TRIP12: variants seen among roughly 807,000 people sequenced by gnomAD.
TRIP12 encodes thyroid hormone receptor interactor 12.
TRIP12 carries 25 observed loss-of-function variants against 244.2 expected under a neutral mutation model. The ratio of observed to expected loss-of-function variants is 0.10; its 90% CI spans 0.07 to 0.14. The LOEUF (loss-of-function observed/expected upper bound fraction) is 0.14, where lower values mean the gene tolerates loss of function less well. Ranked by LOEUF, TRIP12 falls within the 10% of genes least tolerant of loss-of-function variation. The pLI, the probability that TRIP12 is intolerant of heterozygous loss-of-function variation, is 1.00. For synonymous variants in TRIP12, 905 were observed against 873.1 expected (o/e 1.04, Z -0.64); for missense variants, 1,677 against 2,486.4 (o/e 0.67, Z 6.92).
chr2:229,922,112 C>G (rs965620349), upstream of TRIP12: 5 of 171,772 alleles, frequency 2.9e-5, no homozygotes, highest in East Asian at 8.5e-4. Flanking sequence ...CGGGCTCGTC[C>G]GCGGGACCGG....
chr2:229,850,230 A>C (rs1194887592), intron 4 of TRIP12, among the ~76,000 whole-genome samples: 1 of 152,258 alleles, frequency 6.6e-6, no homozygotes, highest in Non-Finnish European at 1.5e-5. Flanking sequence ...CCTTGTTAAC[A>C]AAGAAGTCAA....
At position 229,835,832 on chromosome 2, in the gene TRIP12, T is replaced by G. The variant is rs528369569; in HGVS notation, c.1270+1016A>C. Reference sequence around the variant, plus strand: ...AGGAGCGTACAGCACTGGGACAGACTGTGAGTCACAACCAGTTTTAATGAG... The same window carrying G: ...AGGAGCGTACAGCACTGGGACAGACGGTGAGTCACAACCAGTTTTAATGAG... On this transcript the variant is annotated intron_variant, in intron 6 of 41. Transcript: ENST00000675903. Among the ~76,000 whole-genome samples, 74 of 152,326 alleles carry G rather than the reference T, an allele frequency of 4.9e-4. 2 individuals carry two copies. In the South Asian group the frequency reaches 7.0e-3, roughly 15 times the overall value.
chr2:229,840,873 C>G lies in TRIP12; in HGVS notation c.1082G>C (p.Ser361Thr), dbSNP rs777961637. The G allele has an allele frequency of 6.2e-7, 1 of 1,610,264 alleles. No homozygotes were observed. Among genetic ancestry groups the G allele is most frequent in the Admixed American group, 1.7e-5 (1 of 59,176 alleles). ...RSESPPAELP[S>T]LRRSTRQKTT... ...CTTTTGGCGTGTGCTCCGCCTCAAA[C>G]TGGGGAGCTCAGCAGGTGGAGACTC... Residue 361 changes from serine to threonine, a missense_variant, in exon 5 of 42, where the codon AGT (serine) becomes ACT (threonine). Physicochemically the swap from Ser to Thr is moderately conservative, Grantham distance 58. This residue lies in a region of TRIP12 where 143 missense variants were observed against 215.6 expected (regional missense o/e 0.66). Transcript: ENST00000675903.
At chr2:229,897,945 A>G (rs2069362843) in intron 1 of TRIP12, among the ~76,000 whole-genome samples, 1 of 152,152 alleles carries the variant, frequency 6.6e-6, no homozygotes, top group African/African-American at 2.4e-5. Context: ...CAAACAACCT[A>G]TGATGGACCA....
At chr2:229,788,617 C>G (rs546140194) in intron 32 of TRIP12, among the ~76,000 whole-genome samples, 181 bp downstream of exon 32, 30 of 152,306 alleles carry the variant, frequency 2.0e-4, no homozygotes, top group Admixed American at 1.8e-3. Flanking sequence ...CCAAGAAGAT[C>G]CAGCCCCCAA....
Position 229,837,835 on chromosome 2 carries a change from A to G in TRIP12, c.1134-851T>C, listed in dbSNP as rs1004075310. Among the ~76,000 whole-genome samples the G allele has an allele frequency of 5.3e-5, 8 of 152,202 alleles. No individual in the cohort carries two copies. In the East Asian group the frequency reaches 1.5e-3, roughly 29 times the overall value. On this transcript the variant is annotated intron_variant, in intron 5 of 41. Transcript: ENST00000675903. ...CATTTGGGAAAGATATTCATCTAGG[A>G]CAGAGACACAGAATAAATTATGGAA...
intron 4 of TRIP12, among the ~76,000 whole-genome samples, chr2:229,853,763 T>C (rs2059140738): frequency 6.6e-6 from 1 of 152,206 alleles, no homozygotes; most frequent in Non-Finnish European, 1.5e-5. Flanking sequence ...CTGCATTCTA[T>C]GGCACTTCAT....
At chr2:229,772,527 G>A (rs988543783) in intron 38 of TRIP12, among the ~76,000 whole-genome samples, 1 of 152,134 alleles carries the variant, frequency 6.6e-6, no homozygotes, top group African/African-American at 2.4e-5. Context: ...GCAGTGGCAT[G>A]ATCCTGACTC....
chr2:229,796,059 G>A (rs2042738520), intron 25 of TRIP12, among the ~76,000 whole-genome samples: 1 of 152,158 alleles, frequency 6.6e-6, no homozygotes, highest in South Asian at 2.1e-4. Context: ...CAGCATCCAA[G>A]GATTACCCTC....
chr2:229,789,063 A>C, intron 31 of TRIP12, 123 bp from the exon 32 acceptor site: 2 of 849,306 alleles, frequency 2.4e-6, no homozygotes, highest in Non-Finnish European at 3.6e-6. Flanking sequence ...GGTTTCCAAC[A>C]TACAACACAC....
chr2:229,844,286 A>T (rs1167208251), intron 4 of TRIP12, among the ~76,000 whole-genome samples: 1 of 152,216 alleles, frequency 6.6e-6, no homozygotes, highest in Non-Finnish European at 1.5e-5. Flanking sequence ...TTCCAATCTC[A>T]TCATTTTGCA....
At chr2:229,912,820 G>C (rs2074580828) in intron 1 of TRIP12, among the ~76,000 whole-genome samples, 1 of 151,890 alleles carries the variant, frequency 6.6e-6, no homozygotes, top group Admixed American at 6.6e-5. Flanking sequence ...CCTCTAAGAG[G>C]GCAGATCTTG....
In TRIP12 at chr2:229,823,263, C is replaced by T. The variant is rs560159035; in HGVS notation, c.1451-4751G>A. On this transcript the variant is annotated intron_variant, in intron 8 of 41. Transcript: ENST00000675903. ...GCAAGCACATTAAGGGTCAAGGAAA[C>T]ATCACTTAAACCCTATATAGTCAAG... is the stretch of plus-strand genomic sequence containing the variant. Among the ~76,000 whole-genome samples, 4 of 152,316 alleles carry T rather than the reference C, an allele frequency of 2.6e-5. No homozygotes were observed. In the East Asian group the frequency reaches 7.7e-4, roughly 29 times the overall value.
chr2:229,865,819 C>T (rs1407657968), intron 2 of TRIP12, among the ~76,000 whole-genome samples: 1 of 152,158 alleles, frequency 6.6e-6, no homozygotes, highest in Admixed American at 6.5e-5. Context: ...CTAATGTTCC[C>T]TGTAAAACGC....
intron 20 of TRIP12, 95 bp from the exon 21 acceptor site, chr2:229,802,554 A>T: frequency 1.1e-6 from 1 of 879,158 alleles, no homozygotes; most frequent in Non-Finnish European, 1.7e-6. Flanking sequence ...ACACTGACAT[A>T]ATACACAAAA....
At chr2:229,829,085 G>A in intron 8 of TRIP12, 108 bp downstream of exon 8, 1 of 925,342 alleles carries the variant, frequency 1.1e-6, no homozygotes, top group East Asian at 2.7e-5. Flanking sequence ...TTTAAAAATG[G>A]GTTAAAGTTG....
intron 8 of TRIP12, among the ~76,000 whole-genome samples, chr2:229,824,277 G>A (rs1419452589): frequency 1.3e-5 from 2 of 152,118 alleles, no homozygotes; most frequent in Non-Finnish European, 2.9e-5. Flanking sequence ...GTTAATATTA[G>A]AGAAACAATG....
rs186419414 is a variant in TRIP12 at position 229,883,184 on chromosome 2, T to C, written c.-49-3056A>G. On this transcript the variant is annotated intron_variant, in intron 1 of 41. Coordinates refer to ENST00000675903, the MANE Select transcript of TRIP12 (RefSeq NM_001348323.3). ...CAAATGAAGAAAGTTCCAAGTAATT[T>C]GTTGAAGAACCAGTCTTCTGAATCC... 1.9e-3 allele frequency among the ~76,000 whole-genome samples: 289 copies of C among 152,312 alleles called. 1 individual carries two copies. Among genetic ancestry groups the C allele is most frequent in the Non-Finnish European group, 3.4e-3 (234 of 68,028 alleles).
At chr2:229,901,321 G>A (rs2070741425) in intron 1 of TRIP12, among the ~76,000 whole-genome samples, 1 of 151,862 alleles carries the variant, frequency 6.6e-6, no homozygotes, top group Non-Finnish European at 1.5e-5. Context: ...ACTTTGGCCA[G>A]GCGCAGTGGC....
Sources: gnomAD v4.1 joint callset for allele counts (sites outside exome capture counted in the v4.1 genomes callset) on GRCh38, gnomAD v4.1.1 for gene constraint, gnomAD v4.1.1 regional missense constraint, MANE v1.5 for transcripts, NCBI Gene and HGNC (gene_info 2026-07-23, HGNC 2026-07-21) for gene names.